The following GULP1 variants were observed in gnomAD, a reference collection of about 807,000 sequenced individuals.
GULP1 encodes the protein PTB domain-containing engulfment adapter protein 1.
Under a neutral mutation model 40.9 loss-of-function variants are expected in GULP1, and 19 were observed. The ratio of observed to expected loss-of-function variants is 0.46; its 90% CI spans 0.32 to 0.68. GULP1 has a LOEUF of 0.68. Among genes scored for constraint, GULP1 ranks in the 30% least tolerant of loss-of-function variants. The probability of loss-of-function intolerance (pLI) is 0.03; values close to 1 mark genes in which losing one functional copy is unlikely to be tolerated. For missense variants in GULP1, 312 were observed against 362.2 expected (o/e 0.86, Z 1.12); for synonymous variants, 119 against 117.6 (o/e 1.01, Z -0.08).
At position 188,468,725 on chromosome 2, in the gene GULP1, G is replaced by C. The variant is rs536700977; in HGVS notation, c.-44-8934G>C. On this transcript the variant is annotated intron_variant, in intron 2 of 11. Transcript: ENST00000409830. ...AGTTCAGTGAAATAGATTGGGGTTA[G>C]TTGCCAGAAATCTTTCCAAATATGA... Among the ~76,000 whole-genome samples, 79 of 152,232 alleles carry C rather than the reference G, an allele frequency of 5.2e-4. 1 individual carries two copies. The highest frequency in any genetic ancestry group is 1.9e-3 in the African/African-American group (79 of 41,546).
intron 4 of GULP1, among the ~76,000 whole-genome samples, chr2:188,485,202 G>T (rs769880807): frequency 6.6e-6 from 1 of 151,998 alleles, no homozygotes. Context: ...AAGATTAAAA[G>T]GTTATATTAT....
At chr2:188,457,860 GTTATAC>G (rs1190327125) in intron 2 of GULP1, among the ~76,000 whole-genome samples, 2 of 152,050 alleles carry the variant, frequency 1.3e-5, no homozygotes, top group South Asian at 2.1e-4. Flanking sequence ...ATGTTTATTA[GTTATAC>G]TTATCTTACA....
chr2:188,407,023 C>T (rs886814501), intron 2 of GULP1, among the ~76,000 whole-genome samples: 4 of 152,028 alleles, frequency 2.6e-5, no homozygotes, highest in African/African-American at 9.7e-5. Context: ...AAACATATCA[C>T]ACATAAGGGA....
intron 1 of GULP1, among the ~76,000 whole-genome samples, chr2:188,343,743 C>A (rs895652247): frequency 6.6e-6 from 1 of 152,190 alleles, no homozygotes; most frequent in Non-Finnish European, 1.5e-5. Flanking sequence ...GACACCTATA[C>A]TGTGATCTAA....
intron 7 of GULP1, among the ~76,000 whole-genome samples, chr2:188,567,073 A>G (rs1697893110): frequency 6.6e-6 from 1 of 152,132 alleles, no homozygotes; most frequent in Non-Finnish European, 1.5e-5. Context: ...AATCAAAACC[A>G]CAATGAGGTA....
At chr2:188,564,449 CA>C (rs1333091573) in intron 7 of GULP1, among the ~76,000 whole-genome samples, 1 of 151,394 alleles carries the variant, frequency 6.6e-6, no homozygotes, top group Non-Finnish European at 1.5e-5. Flanking sequence ...TGTCTACTAG[CA>C]AAAAGAAAGA....
chr2:188,511,527 G>A (rs1447057185), intron 4 of GULP1, among the ~76,000 whole-genome samples: 2 of 152,090 alleles, frequency 1.3e-5, no homozygotes, highest in Non-Finnish European at 2.9e-5. Flanking sequence ...CAGATGTGAA[G>A]GATGTTTGAG....
chr2:188,438,518 CTAA>C (rs1248119953), intron 2 of GULP1, among the ~76,000 whole-genome samples: 1 of 150,942 alleles, frequency 6.6e-6, no homozygotes, highest in South Asian at 2.1e-4. Flanking sequence ...TATTAATAGT[CTAA>C]TAATTACAGT....
intron 2 of GULP1, among the ~76,000 whole-genome samples, chr2:188,414,609 A>G (rs2054345293): frequency 6.6e-6 from 1 of 152,218 alleles, no homozygotes; most frequent in Non-Finnish European, 1.5e-5. Context: ...GAAGCTGGAA[A>G]GGCTAACGTG....
intron 9 of GULP1, among the ~76,000 whole-genome samples, chr2:188,577,961 A>C (rs1000390611): frequency 2.2e-4 from 34 of 152,102 alleles, no homozygotes; most frequent in African/African-American, 7.9e-4. Context: ...TTTTTTAACT[A>C]GAAAAAATTG....
At position 188,292,487 on chromosome 2, in the gene GULP1, C is replaced by T. The variant is rs528275872; in HGVS notation, c.-172+321C>T. Among the ~76,000 whole-genome samples, 5 of 152,200 alleles carry T rather than the reference C, an allele frequency of 3.3e-5. No individual in the cohort carries two copies. Among genetic ancestry groups the T allele is most frequent in the South Asian group, 2.1e-4 (1 of 4,832 alleles). On this transcript the variant is annotated intron_variant, in intron 1 of 11. Coordinates refer to ENST00000409830, the MANE Select transcript of GULP1 (RefSeq NM_016315.4). This position sits in a 1 kb window ranked among gnomAD's most constrained non-coding sequence, Gnocchi z 4.0. ...AGCGGTCTCCGGGCTCCAGAAACCTCCTTAGCCTTTTGTGGTAACTTTGGT... is the reference window on the plus strand; with the variant it reads ...AGCGGTCTCCGGGCTCCAGAAACCTTCTTAGCCTTTTGTGGTAACTTTGGT...
chr2:188,498,060 A>G (rs1273399696), intron 4 of GULP1, among the ~76,000 whole-genome samples: 4 of 151,878 alleles, frequency 2.6e-5, no homozygotes, highest in African/African-American at 9.7e-5. Flanking sequence ...GACTTATACT[A>G]AGGAGCATCC....
chr2:188,536,972 G>A (rs923675302), intron 6 of GULP1, among the ~76,000 whole-genome samples: 1 of 151,552 alleles, frequency 6.6e-6, no homozygotes, highest in Non-Finnish European at 1.5e-5. Context: ...TTATTGATTT[G>A]TCTCTCAGCT....
At chr2:188,382,396 G>A (rs779545238) in intron 1 of GULP1, among the ~76,000 whole-genome samples, 15 of 152,128 alleles carry the variant, frequency 9.9e-5, no homozygotes, top group Non-Finnish European at 1.9e-4. Flanking sequence ...TAGTGTTACA[G>A]GCCTGATAAT....
chr2:188,585,801 C>T (rs1702254364), intron 10 of GULP1, among the ~76,000 whole-genome samples: 1 of 152,208 alleles, frequency 6.6e-6, no homozygotes, highest in Non-Finnish European at 1.5e-5. Flanking sequence ...ACATCTTCCC[C>T]ATTGTCTTGG....
rs1159546001 is a variant in GULP1, at chr2:188,593,949, A to C, written c.853A>C (p.Lys285Gln). The change falls in exon 12 of 12, where the codon AAA becomes CAA. Residue 285 changes from lysine (K) to glutamine (Q), a missense_variant. By Grantham distance (53) the Lys-to-Gln change is moderately conservative (BLOSUM62 1). Coordinates refer to ENST00000409830, the MANE Select transcript of GULP1 (RefSeq NM_016315.4). Reference protein sequence around the residue: ...SKLDEMQEGFKMGLTLEGTVF... With the variant: ...SKLDEMQEGFQMGLTLEGTVF... The stretch of plus-strand genomic sequence containing the variant: ...TTATTCTGTTTTACAGGAGGGGTTC[A>C]AAATGGGACTAACTCTTGAAGGCAC... 1 of 1,578,250 alleles carries C rather than the reference A, an allele frequency of 6.3e-7. No homozygotes were observed. The highest frequency in any genetic ancestry group is 8.7e-7 in the Non-Finnish European group (1 of 1,148,320).
intron 2 of GULP1, among the ~76,000 whole-genome samples, chr2:188,398,543 A>G (rs1360796872): frequency 6.6e-6 from 1 of 152,194 alleles, no homozygotes; most frequent in Non-Finnish European, 1.5e-5. Flanking sequence ...ATATTTATGT[A>G]GTATGTAATT....
chr2:188,554,129 A>G (rs924146968), intron 7 of GULP1, among the ~76,000 whole-genome samples: 1 of 151,592 alleles, frequency 6.6e-6, no homozygotes, highest in African/African-American at 2.4e-5. Context: ...GTATTTTTTT[A>G]GTCTCTATTT....
chr2:188,454,060 G>C (rs967163581), intron 2 of GULP1, among the ~76,000 whole-genome samples: 17 of 152,210 alleles, frequency 1.1e-4, no homozygotes, highest in Admixed American at 4.6e-4. Flanking sequence ...GCCTTGCTCA[G>C]GCCCAGGCCT....
Sources: allele counts gnomAD v4.1 joint callset (sites outside exome capture counted in the v4.1 genomes callset), GRCh38; gene constraint gnomAD v4.1.1; non-coding constraint Gnocchi (gnomAD v3.1); transcripts MANE v1.5; gene names NCBI Gene and HGNC (gene_info 2026-07-23, HGNC 2026-07-21).